TMEM272: variants seen among roughly 807,000 people sequenced by gnomAD.
TMEM272 encodes transmembrane protein 272.
In TMEM272, 8 loss-of-function variants were observed where a neutral mutation model predicts 3.7. The observed-to-expected ratio is 2.17, with a 90% confidence interval of 1.27 to 3.91. The LOEUF (loss-of-function observed/expected upper bound fraction) is 3.91. TMEM272 is among the 30% of genes most tolerant of loss of function. The pLI, the probability that TMEM272 is intolerant of heterozygous loss-of-function variation, is 0.00. For missense variants in TMEM272, 166 were observed against 91.5 expected (o/e 1.81, Z -3.32); for synonymous variants, 63 against 39.8 (o/e 1.58, Z -2.20).
At chr13:51,905,795 A>G in the TMEM272 span, among the ~76,000 whole-genome samples, 1 of 152,258 alleles carries the variant, frequency 6.6e-6, no homozygotes, top group East Asian at 1.9e-4. Context: ...GGTTAATGTC[A>G]GCGTGTGTCT....
At chr13:51,869,541 G>A in the TMEM272 span, among the ~76,000 whole-genome samples, 2 of 151,262 alleles carry the variant, frequency 1.3e-5, no homozygotes, top group Non-Finnish European at 2.9e-5. Flanking sequence ...CCAGGCTGGA[G>A]TGCAGTGGCA....
Position 51,822,042 on chromosome 13 carries a change from A to G in TMEM272, c.201+13T>C. 1.4e-6 allele frequency: 1 copy of G among 702,580 alleles called. No individual in the cohort carries two copies. The highest frequency in any genetic ancestry group is 1.5e-5 in the South Asian group (1 of 67,604). 43.5% of individuals were successfully genotyped at this position (702,580 alleles called of 1,614,324 possible). A position where few individuals can be genotyped will look rare whatever the true frequency, so the allele number is the denominator to read the frequency against. ...TCTACAAGGACTACAAACAGCAGAT[A>G]AAGATACTTTACCTTTAAGGTACCG... On this transcript the variant is annotated intron_variant, in intron 4 of 4. Transcript: ENST00000629372.
chr13:51,858,722 G>C, the TMEM272 span, among the ~76,000 whole-genome samples: 6 of 152,254 alleles, frequency 3.9e-5, no homozygotes, highest in African/African-American at 1.4e-4. Context: ...TAAGAAAAAC[G>C]AAATTTATTG....
chr13:51,872,282 G>T, the TMEM272 span, among the ~76,000 whole-genome samples: 2 of 152,232 alleles, frequency 1.3e-5, no homozygotes, highest in African/African-American at 2.4e-5. Flanking sequence ...CAAAAAAAGA[G>T]TTATTGGACA....
chr13:51,921,920 GTGTA>G, the TMEM272 span, among the ~76,000 whole-genome samples: 2 of 152,122 alleles, frequency 1.3e-5, no homozygotes, highest in African/African-American at 2.4e-5. Context: ...GCGTGTGTGT[GTGTA>G]TGTGTGTGTG....
At chr13:51,932,741 C>CA in the TMEM272 span, 2 of 152,070 alleles carry the variant, frequency 1.3e-5, no homozygotes, top group East Asian at 1.9e-4. Context: ...GATTATCTGA[C>CA]AAAAAAACTC....
At chr13:51,891,265 A>AT in the TMEM272 span, among the ~76,000 whole-genome samples, 1 of 152,070 alleles carries the variant, frequency 6.6e-6, no homozygotes, top group African/African-American at 2.4e-5. Flanking sequence ...AAAAGCCTTG[A>AT]TTTTTTTTAA....
At chr13:51,877,689 G>A in the TMEM272 span, among the ~76,000 whole-genome samples, 11 of 152,206 alleles carry the variant, frequency 7.2e-5, no homozygotes, top group Non-Finnish European at 8.8e-5. Context: ...TTTGTATGAA[G>A]TATTTAGACA....
chr13:51,925,978 CAT>C, the TMEM272 span, among the ~76,000 whole-genome samples: 2 of 152,008 alleles, frequency 1.3e-5, no homozygotes, highest in African/African-American at 2.4e-5. Flanking sequence ...GTGTGTTGTG[CAT>C]ATGTGTCTAT....
chr13:51,820,150 C>T (rs1956067249), intron 4 of TMEM272, among the ~76,000 whole-genome samples: 1 of 152,212 alleles, frequency 6.6e-6, no homozygotes, highest in Admixed American at 6.5e-5. Context: ...AGGTCACACA[C>T]AGCCTACTTA....
the TMEM272 span, among the ~76,000 whole-genome samples, chr13:51,902,814 G>T: frequency 6.6e-6 from 1 of 152,376 alleles, no homozygotes; most frequent in Non-Finnish European, 1.5e-5. Context: ...AAGGCACTAA[G>T]TTTTGGAGTA....
chr13:51,904,488 T>C, the TMEM272 span, among the ~76,000 whole-genome samples: 1 of 152,136 alleles, frequency 6.6e-6, no homozygotes, highest in Admixed American at 6.5e-5. Context: ...AGCTAATGCA[T>C]AGTAGTAATG....
chr13:51,843,498 T>A (rs574956011), intron 1 of TMEM272, among the ~76,000 whole-genome samples: 1 of 152,222 alleles, frequency 6.6e-6, no homozygotes, highest in Non-Finnish European at 1.5e-5. Context: ...GATGGATTCA[T>A]GTCAATGCAA....
chr13:51,910,176 T>G, the TMEM272 span: 4 of 1,093,768 alleles, frequency 3.7e-6, no homozygotes, highest in Non-Finnish European at 5.6e-6. Context: ...TATCCCCTTT[T>G]CTAGACAGAG....
chr13:51,831,601 T>A (rs1338175331), intron 2 of TMEM272, among the ~76,000 whole-genome samples: 1 of 152,166 alleles, frequency 6.6e-6, no homozygotes, highest in African/African-American at 2.4e-5. Flanking sequence ...CACGAGGCCT[T>A]CTTTACCACT....
the TMEM272 span, among the ~76,000 whole-genome samples, chr13:51,856,493 A>C: frequency 6.6e-6 from 1 of 152,180 alleles, no homozygotes; most frequent in African/African-American, 2.4e-5. Flanking sequence ...GATTATTATC[A>C]TCCTTGCTTC....
chr13:51,839,576 G>T (rs998323272), intron 1 of TMEM272, among the ~76,000 whole-genome samples: 1 of 152,212 alleles, frequency 6.6e-6, no homozygotes, highest in Non-Finnish European at 1.5e-5. Flanking sequence ...TACTGCAGGG[G>T]TTTGCAAACC....
chr13:51,906,109 A>G, the TMEM272 span, among the ~76,000 whole-genome samples: 5 of 152,190 alleles, frequency 3.3e-5, no homozygotes, highest in African/African-American at 9.6e-5. Context: ...ATGGTGGACC[A>G]GGCTGGGGTC....
At chr13:51,896,896 A>T in the TMEM272 span, among the ~76,000 whole-genome samples, 2 of 152,232 alleles carry the variant, frequency 1.3e-5, no homozygotes, top group African/African-American at 4.8e-5. Flanking sequence ...GGACCCAGGC[A>T]GGTATGGATT....
Sources: gnomAD v4.1 joint callset for allele counts (sites outside exome capture counted in the v4.1 genomes callset) on GRCh38, gnomAD v4.1.1 for gene constraint, MANE v1.5 for transcripts, NCBI Gene and HGNC (gene_info 2026-07-23, HGNC 2026-07-21) for gene names.